Variants in ST6GAL1 observed in about 807,000 individuals in gnomAD.
ST6GAL1 encodes ST6 beta-galactoside alpha-2,6-sialyltransferase 1, also known as beta-galactoside alpha-2,6-sialyltransferase 1.
ST6GAL1 carries 20 observed loss-of-function variants against 38.0 expected under a neutral mutation model. The ratio of observed to expected loss-of-function variants is 0.53; its 90% CI spans 0.37 to 0.77. ST6GAL1 has a LOEUF of 0.77. ST6GAL1 is among the 30% of genes least tolerant of loss of function. ST6GAL1 has a pLI of 0.00. For synonymous variants in ST6GAL1, 196 were observed against 188.2 expected (o/e 1.04, Z -0.34); for missense variants, 432 against 496.4 (o/e 0.87, Z 1.23).
intron 4 of ST6GAL1, among the ~76,000 whole-genome samples, chr3:187,051,021 C>T (rs1718495100): frequency 6.6e-6 from 1 of 152,192 alleles, no homozygotes. Flanking sequence ...AGGAATGCCA[C>T]AGTATGGCCC....
intron 2 of ST6GAL1, among the ~76,000 whole-genome samples, chr3:186,990,349 C>CT (rs1716117566): frequency 6.6e-6 from 1 of 152,214 alleles, no homozygotes; most frequent in East Asian, 1.9e-4. Flanking sequence ...CTTCTCATCT[C>CT]TATCTATTGA....
At position 187,077,062 on chromosome 3, in the gene ST6GAL1, CAG is replaced by C. The variant is rs1230969611; in HGVS notation, c.*1260_*1261del. On this transcript the variant is annotated 3_prime_UTR_variant, in exon 8 of 8. Coordinates refer to ENST00000169298, the MANE Select transcript of ST6GAL1 (RefSeq NM_173216.2). ...CACGGGCCTTTTGCTGAAGGTCTCT[CAG>C]GGTGTAGTGGTGTGGCTCTCTGGAC... 5.0e-6 allele frequency: 2 copies of C among 398,334 alleles called. No homozygotes were observed. The highest frequency in any genetic ancestry group is 8.8e-6 in the Non-Finnish European group (2 of 226,024). The allele number at this position is 398,334 out of a possible 1,614,324, so 24.7% of individuals were successfully genotyped here. A position where few individuals can be genotyped will look rare whatever the true frequency, so the allele number is the denominator to read the frequency against.
intron 5 of ST6GAL1, among the ~76,000 whole-genome samples, chr3:187,065,217 C>G (rs1442708021): frequency 5.3e-5 from 8 of 152,052 alleles, no homozygotes; most frequent in Non-Finnish European, 7.4e-5. Flanking sequence ...CCAGACTAGT[C>G]TCAAACTCCT....
At chr3:186,970,869 T>C (rs1325761882) in intron 2 of ST6GAL1, among the ~76,000 whole-genome samples, 1 of 152,226 alleles carries the variant, frequency 6.6e-6, no homozygotes, top group Non-Finnish European at 1.5e-5. Flanking sequence ...TGAACAATTG[T>C]GTTCTGATTT....
At chr3:187,058,006 A>G (rs1184905623) in intron 5 of ST6GAL1, among the ~76,000 whole-genome samples, 1 of 152,112 alleles carries the variant, frequency 6.6e-6, no homozygotes, top group East Asian at 1.9e-4. Context: ...GCAATGGCAG[A>G]CGCCCCTCCC....
intron 4 of ST6GAL1, among the ~76,000 whole-genome samples, chr3:187,045,030 G>A (rs1235448162): frequency 6.6e-6 from 1 of 152,208 alleles, no homozygotes; most frequent in African/African-American, 2.4e-5. Flanking sequence ...ATACAAAGGG[G>A]AAAGGGAAGG....
chr3:186,952,170 T>A lies in ST6GAL1; in HGVS notation c.-324-11615T>A, dbSNP rs1714601293. 6.6e-6 allele frequency among the ~76,000 whole-genome samples: 1 copy of A among 152,170 alleles called. No homozygotes were observed. The highest frequency in any genetic ancestry group is 6.6e-5 in the Admixed American group (1 of 15,264). On this transcript the variant is annotated intron_variant, in intron 1 of 7. Coordinates refer to ENST00000169298, the MANE Select transcript of ST6GAL1 (RefSeq NM_173216.2). This position sits in a 1 kb window ranked among gnomAD's most constrained non-coding sequence, Gnocchi z 4.1. ...TGAAAAGGGAGGGGGTGTGCCAATT[T>A]TTATGCTCCTGGAGAGAGTTGTCTG...
At chr3:187,010,984 C>T (rs1387288283) in intron 2 of ST6GAL1, among the ~76,000 whole-genome samples, 2 of 152,154 alleles carry the variant, frequency 1.3e-5, no homozygotes, top group African/African-American at 4.8e-5. Context: ...GAACTTTGAG[C>T]GTTAGCTGTC....
chr3:186,945,058 C>A (rs1714307970), intron 1 of ST6GAL1, among the ~76,000 whole-genome samples: 2 of 152,162 alleles, frequency 1.3e-5, no homozygotes, highest in African/African-American at 4.8e-5. Context: ...GTGGCTCATG[C>A]CTAAAATCCT....
intron 2 of ST6GAL1, among the ~76,000 whole-genome samples, chr3:186,993,551 CAG>C (rs113858244): frequency 0.011 from 1,557 of 147,268 alleles, 25 homozygotes; most frequent in East Asian, 0.058. Flanking sequence ...GATAACTTGA[CAG>C]AGTTTTATTT....
intron 2 of ST6GAL1, among the ~76,000 whole-genome samples, chr3:186,972,827 G>A (rs531112351): frequency 1.9e-4 from 29 of 152,238 alleles, no homozygotes; most frequent in African/African-American, 7.0e-4. Flanking sequence ...TTAGGAGCAT[G>A]TGGGAAGAAG....
At chr3:186,957,692 C>T (rs992302942) in intron 1 of ST6GAL1, among the ~76,000 whole-genome samples, 1 of 151,998 alleles carries the variant, frequency 6.6e-6, no homozygotes, top group African/African-American at 2.4e-5. Context: ...ATCCTCCCCC[C>T]AACCAAATGG....
At chr3:187,069,198 G>A (rs941954711) in intron 5 of ST6GAL1, among the ~76,000 whole-genome samples, 16 of 151,326 alleles carry the variant, frequency 1.1e-4, no homozygotes, top group African/African-American at 3.4e-4. Flanking sequence ...GCAGTGGCAC[G>A]ATCTTGGCTC....
chr3:187,075,991 G>C lies in ST6GAL1; in HGVS notation c.*188G>C, dbSNP rs1233704241. The C allele has an allele frequency of 1.2e-6, 1 of 807,406 alleles. No homozygotes were observed. The allele number at this position is 807,406 out of a possible 1,614,324, so 50.0% of individuals were successfully genotyped here. The stretch of plus-strand genomic sequence containing the variant: ...TCAGGTCCAGCCTTCCCTGTAGCCA[G>C]ACAGTTTATGAGCCCAGAGCCTCCT... On this transcript the variant is annotated 3_prime_UTR_variant, in exon 8 of 8. Transcript: ENST00000169298. This position sits in a 1 kb window ranked among gnomAD's most constrained non-coding sequence, Gnocchi z 4.1.
chr3:186,966,882 C>T (rs564309907), intron 2 of ST6GAL1, among the ~76,000 whole-genome samples: 4 of 152,280 alleles, frequency 2.6e-5, no homozygotes, highest in East Asian at 1.9e-4. Context: ...CTCTGCAACT[C>T]GGGAAGAGAT....
intron 2 of ST6GAL1, among the ~76,000 whole-genome samples, chr3:187,029,597 T>C (rs1016458170): frequency 2.0e-5 from 3 of 152,200 alleles, no homozygotes; most frequent in Non-Finnish European, 4.4e-5. Context: ...ACTGGACAAG[T>C]AGCATGTGAT....
At chr3:187,008,457 AG>A (rs926344148) in intron 2 of ST6GAL1, among the ~76,000 whole-genome samples, 1 of 152,194 alleles carries the variant, frequency 6.6e-6, no homozygotes, top group African/African-American at 2.4e-5. Context: ...AGACGAAGAC[AG>A]TGAAACCCCG....
At chr3:187,010,383 A>G (rs1382920787) in intron 2 of ST6GAL1, among the ~76,000 whole-genome samples, 4 of 152,220 alleles carry the variant, frequency 2.6e-5, no homozygotes, top group Non-Finnish European at 5.9e-5. Context: ...TTTTATTTCC[A>G]GTGACATTGA....
intron 1 of ST6GAL1, among the ~76,000 whole-genome samples, chr3:186,962,995 A>G (rs1447826961): frequency 1.3e-5 from 2 of 152,188 alleles, no homozygotes; most frequent in Admixed American, 6.5e-5. Flanking sequence ...CAGGTAGAGT[A>G]TGTTATCTGT....
Sources: gnomAD v4.1 joint callset for allele counts (sites outside exome capture counted in the v4.1 genomes callset) on GRCh38, gnomAD v4.1.1 for gene constraint, Gnocchi (gnomAD v3.1) non-coding constraint, MANE v1.5 for transcripts, NCBI Gene and HGNC (gene_info 2026-07-23, HGNC 2026-07-21) for gene names.